Variants in UGT1A9 observed in about 807,000 individuals in gnomAD.
UGT1A9 encodes UDP-glucuronosyltransferase 1A9.
A neutral mutation model predicts 45.0 loss-of-function variants in UGT1A9; 35 were observed. The observed-to-expected ratio is 0.78, with a 90% CI of 0.59 to 1.03. The LOEUF is 1.03. Ranked by LOEUF, UGT1A9 falls within the 50% of genes least tolerant of loss-of-function variation. UGT1A9 has a pLI of 0.00. For missense variants in UGT1A9, 687 were observed against 666.6 expected, an observed-to-expected ratio of 1.03 and a Z score of -0.34; for synonymous variants, 278 against 250.6, an observed-to-expected ratio of 1.11 and a Z score of -1.03.
rs28899184 is a variant in UGT1A9 at position 233,714,555 on chromosome 2, A to T, written c.855+41766A>T. Among the ~76,000 whole-genome samples the T allele has an allele frequency of 4.8e-3, 733 of 152,370 alleles. 10 individuals carry two copies. Among genetic ancestry groups the T allele is most frequent in the African/African-American group, 0.017 (698 of 41,588 alleles). ...TCTAATACCGAAGTGTCCAATAGAA[A>T]TATCATGTAAACCACATACATAATT... On this transcript the variant is annotated intron_variant, in intron 1 of 4. Transcript: ENST00000354728.
chr2:233,726,672 G>T (rs1443566236), intron 1 of UGT1A9, among the ~76,000 whole-genome samples: 1 of 152,112 alleles, frequency 6.6e-6, no homozygotes, highest in Non-Finnish European at 1.5e-5. Context: ...TATCTGTGAA[G>T]TCTCTTCCAC....
chr2:233,700,788 T>C (rs992133677), intron 1 of UGT1A9, among the ~76,000 whole-genome samples: 2 of 152,148 alleles, frequency 1.3e-5, no homozygotes, highest in African/African-American at 4.8e-5. Flanking sequence ...TTGTTACATA[T>C]GTATACATGT....
chr2:233,749,952 C>T (rs1450236503), intron 1 of UGT1A9, among the ~76,000 whole-genome samples: 1 of 151,854 alleles, frequency 6.6e-6, no homozygotes, highest in Non-Finnish European at 1.5e-5. Flanking sequence ...ATTACCGAGT[C>T]TTGGGTATGT....
In UGT1A9 at chr2:233,768,392, T is replaced by G. The variant is rs761552961; in HGVS notation, c.1248T>G (p.Thr416=). The G allele has an allele frequency of 1.2e-6, 2 of 1,614,156 alleles. No homozygotes were observed. Among genetic ancestry groups the G allele is most frequent in the Non-Finnish European group, 1.7e-6 (2 of 1,180,042 alleles). Residue 416 remains threonine, a synonymous_variant, in exon 4 of 5, where the codon ACT becomes ACG. Coordinates refer to ENST00000354728, the MANE Select transcript of UGT1A9 (RefSeq NM_021027.3). Reference sequence around the variant, plus strand: ...TGACCCTGAATGTTCTGGAAATGACTTCTGAAGATTTAGAAAATGCTCTAA... The same window carrying G: ...TGACCCTGAATGTTCTGGAAATGACGTCTGAAGATTTAGAAAATGCTCTAA... ...AGVTLNVLEM[T]SEDLENALKA...
chr2:233,677,338 C>T (rs1049705126), intron 1 of UGT1A9, among the ~76,000 whole-genome samples: 34 of 151,988 alleles, frequency 2.2e-4, no homozygotes, highest in African/African-American at 8.0e-4. Context: ...TATAGTTGAC[C>T]CCTGAACAAT....
chr2:233,672,389 A>T lies in UGT1A9; in HGVS notation c.455A>T (p.Asn152Ile). 1.2e-6 allele frequency: 2 copies of T among 1,614,098 alleles called. No homozygotes were observed. The highest frequency in any genetic ancestry group is 2.2e-5 in the South Asian group (2 of 91,076). Residue 152 changes from asparagine to isoleucine, a missense_variant, in exon 1 of 5, where the codon AAC becomes ATC. Asn to Ile is a moderately radical substitution (Grantham distance 149). Transcript: ENST00000354728. Reference protein sequence around the residue: ...FDAVFLDPFDNCGLIVAKYFS... With the variant: ...FDAVFLDPFDICGLIVAKYFS... The stretch of plus-strand genomic sequence containing the variant: ...GCAGTGTTTCTCGATCCTTTTGATA[A>T]CTGTGGCTTAATTGTTGCCAAATAT...
Position 233,772,730 on chromosome 2 carries a change from C to A in UGT1A9, c.*171C>A. Reference sequence around the variant, plus strand: ...CTCTTAAATAAAAATAATAGACTCGCTAGTCAGTAAAGATATTTGAATATG... The same window carrying A: ...CTCTTAAATAAAAATAATAGACTCGATAGTCAGTAAAGATATTTGAATATG... On this transcript the variant is annotated 3_prime_UTR_variant, in exon 5 of 5. Transcript: ENST00000354728. 1 of 1,445,162 alleles carries A rather than the reference C, an allele frequency of 6.9e-7. No homozygotes were observed. The highest frequency in any genetic ancestry group is 9.1e-7 in the Non-Finnish European group (1 of 1,100,576). The allele number at this position is 1,445,162 out of a possible 1,614,324, so 89.5% of individuals were successfully genotyped here.
rs34150486 is a variant in UGT1A9, at chr2:233,743,623, G to A, written c.856-23411G>A. 20 of 1,367,332 alleles carry A rather than the reference G, an allele frequency of 1.5e-5. No homozygotes were observed. In the South Asian group the frequency reaches 1.8e-4, roughly 12 times the overall value. 84.7% of individuals were successfully genotyped at this position (1,367,332 alleles called of 1,614,324 possible). A position where few individuals can be genotyped will look rare whatever the true frequency, so the allele number is the denominator to read the frequency against. ...GGCCGCCGAAGAACTCCCTGAAGAC[G>A]TCGGCTGGGTCGCGGAAGCTGAAGA... On this transcript the variant is annotated intron_variant, in intron 1 of 4. Transcript: ENST00000354728.
chr2:233,758,075 A>C (rs1280685172), intron 1 of UGT1A9, among the ~76,000 whole-genome samples: 1 of 152,176 alleles, frequency 6.6e-6, no homozygotes, highest in African/African-American at 2.4e-5. Flanking sequence ...TTCTGGGCCT[A>C]GTTCCTAGCA....
intron 1 of UGT1A9, among the ~76,000 whole-genome samples, chr2:233,712,016 C>T (rs527478948): frequency 2.0e-5 from 3 of 152,332 alleles, no homozygotes; most frequent in Admixed American, 1.3e-4. Context: ...CCATTCTTAT[C>T]AGAACTTGGT....
chr2:233,678,869 C>T (rs1002668336), intron 1 of UGT1A9, among the ~76,000 whole-genome samples: 4 of 152,172 alleles, frequency 2.6e-5, no homozygotes, highest in Non-Finnish European at 5.9e-5. Context: ...TCCATAATCC[C>T]TTCATGACTT....
intron 1 of UGT1A9, among the ~76,000 whole-genome samples, chr2:233,724,367 G>T (rs1413054411): frequency 2.0e-5 from 3 of 147,986 alleles, no homozygotes; most frequent in Admixed American, 1.3e-4. Context: ...CCCGGACGGG[G>T]TGGCTGCCGG....
intron 1 of UGT1A9, chr2:233,718,679 A>C: frequency 6.4e-7 from 1 of 1,568,142 alleles, no homozygotes; most frequent in Non-Finnish European, 8.6e-7. Context: ...ATGGGTAATA[A>C]GTAACTGGAG....
Position 233,693,065 on chromosome 2 carries a change from T to C in UGT1A9, c.855+20276T>C, listed in dbSNP as rs1209922718. On this transcript the variant is annotated intron_variant, in intron 1 of 4. Coordinates refer to ENST00000354728, the MANE Select transcript of UGT1A9 (RefSeq NM_021027.3). ...TGCAGGGGTTTTCTTCTTAGCACTT[T>C]GGGGCATGGTTGTAGGTGACAAGCT... 3 of 1,614,026 alleles carry C rather than the reference T, an allele frequency of 1.9e-6. No individual in the cohort carries two copies. In the African/African-American group the frequency reaches 4.0e-5, roughly 22 times the overall value.
intron 1 of UGT1A9, among the ~76,000 whole-genome samples, chr2:233,748,850 A>G (rs542055799): frequency 6.6e-6 from 1 of 151,628 alleles, no homozygotes; most frequent in East Asian, 1.9e-4. Context: ...GTGAGCGTAT[A>G]AGCCCAGTTA....
intron 1 of UGT1A9, among the ~76,000 whole-genome samples, chr2:233,749,879 T>C (rs965424457): frequency 2.6e-5 from 4 of 151,958 alleles, no homozygotes; most frequent in African/African-American, 9.7e-5. Flanking sequence ...ATTATAAGTT[T>C]CCTGAGGCTC....
At chr2:233,693,435 T>C (rs2075153037) in intron 1 of UGT1A9, 3 of 1,614,160 alleles carry the variant, frequency 1.9e-6, no homozygotes, top group Non-Finnish European at 2.5e-6. Context: ...GAGAGCAAGT[T>C]TGATGCTCTT....
intron 1 of UGT1A9, among the ~76,000 whole-genome samples, chr2:233,710,055 G>A (rs2076107757): frequency 6.6e-6 from 1 of 152,172 alleles, no homozygotes; most frequent in Non-Finnish European, 1.5e-5. Context: ...CTTTGGCTCG[G>A]CATAATGTCT....
At chr2:233,719,030 A>G (rs1559364102) in intron 1 of UGT1A9, 1 of 1,614,246 alleles carries the variant, frequency 6.2e-7, no homozygotes, top group Non-Finnish European at 8.5e-7. Flanking sequence ...TGCACATCAA[A>G]GAAGAGAAAT....
Sources: gnomAD v4.1 joint callset for allele counts (sites outside exome capture counted in the v4.1 genomes callset) on GRCh38, gnomAD v4.1.1 for gene constraint, MANE v1.5 for transcripts, NCBI Gene and HGNC (gene_info 2026-07-23, HGNC 2026-07-21) for gene names.